ASTN2: variants seen among roughly 807,000 people sequenced by gnomAD.
ASTN2 encodes astrotactin 2, also known as astrotactin-2.
ASTN2 carries 54 observed loss-of-function variants against 139.8 expected under a neutral mutation model. The observed-to-expected ratio is 0.39, with a 90% confidence interval of 0.31 to 0.48. The LOEUF is 0.48. ASTN2 is among the 20% of genes least tolerant of loss of function. The pLI is 0.95. For missense variants in ASTN2, 1,565 were observed against 1,725.1 expected, an observed-to-expected ratio of 0.91 and a Z score of 1.64; for synonymous variants, 756 against 719.5, an observed-to-expected ratio of 1.05 and a Z score of -0.81.
chr9:116,619,240 CCT>C (rs1287620005), intron 18 of ASTN2, among the ~76,000 whole-genome samples: 14 of 152,046 alleles, frequency 9.2e-5, no homozygotes, highest in African/African-American at 2.9e-4. Context: ...GTTCCTGCCC[CCT>C]CTTATGCTTG....
chr9:117,136,539 G>T (rs889793487), intron 4 of ASTN2, among the ~76,000 whole-genome samples: 8 of 152,104 alleles, frequency 5.3e-5, no homozygotes, highest in African/African-American at 1.9e-4. Context: ...GGCCCCCAGT[G>T]CAAGTGACAG....
intron 1 of ASTN2, among the ~76,000 whole-genome samples, chr9:117,313,675 C>T (rs10125571): frequency 0.093 from 14,091 of 152,070 alleles, 1,703 homozygotes; most frequent in African/African-American, 0.28. Context: ...TCACCAAACT[C>T]CCCAAGCCAG....
At chr9:117,050,633 A>G (rs928380030) in intron 5 of ASTN2, among the ~76,000 whole-genome samples, 1 of 152,154 alleles carries the variant, frequency 6.6e-6, no homozygotes, top group Non-Finnish European at 1.5e-5. Context: ...ATATGAACAG[A>G]GCTAGAATAT....
Position 117,125,604 on chromosome 9 carries a change from C to A in ASTN2, c.1168+15722G>T, listed in dbSNP as rs188482735. Among the ~76,000 whole-genome samples the A allele has an allele frequency of 2.7e-3, 408 of 152,218 alleles. 2 individuals carry two copies. The highest frequency in any genetic ancestry group is 9.5e-3 in the African/African-American group (393 of 41,526). ...GTCTCTCTTGGCTAAAAAGGAAATC[C>A]TTTTGCCATTAACTGCTCCTGCAGA... On this transcript the variant is annotated intron_variant, in intron 4 of 22. Transcript: ENST00000313400.
In ASTN2 at chr9:117,094,145, AGGG is replaced by A. The variant is rs1564422762; in HGVS notation, c.1276+1896_1276+1898del. On this transcript the variant is annotated intron_variant, in intron 5 of 22. Transcript: ENST00000313400. ...GAGGGAGGGAGGGACTAAGGGAGGG[AGGG>A]AGGGAGAAAGGGAGGAAGGGAGGAA... Among the ~76,000 whole-genome samples, 3 of 92,482 alleles carry A rather than the reference AGGG, an allele frequency of 3.2e-5. No homozygotes were observed. In the East Asian group the frequency reaches 1.0e-3, roughly 31 times the overall value. 60.7% of individuals were successfully genotyped at this position (92,482 alleles called of 152,430 possible). A position where few individuals can be genotyped will look rare whatever the true frequency, so the allele number is the denominator to read the frequency against.
At chr9:117,257,996 C>T (rs1215676325) in intron 2 of ASTN2, among the ~76,000 whole-genome samples, 1 of 152,128 alleles carries the variant, frequency 6.6e-6, no homozygotes, top group African/African-American at 2.4e-5. Flanking sequence ...TCCTGGGTCC[C>T]CTTGTCACTG....
chr9:116,799,607 T>C (rs1000067773), intron 13 of ASTN2, among the ~76,000 whole-genome samples: 2 of 151,460 alleles, frequency 1.3e-5, no homozygotes, highest in Admixed American at 1.3e-4. Context: ...GGTTCAATAA[T>C]AGCTCTTGAC....
chr9:116,926,810 C>T (rs1199399482), intron 10 of ASTN2, among the ~76,000 whole-genome samples: 1 of 152,160 alleles, frequency 6.6e-6, no homozygotes, highest in Non-Finnish European at 1.5e-5. Context: ...TCATGTGTAG[C>T]TGACTCCAAA....
At chr9:116,695,007 A>G (rs1012067950) in intron 16 of ASTN2, among the ~76,000 whole-genome samples, 2 of 152,256 alleles carry the variant, frequency 1.3e-5, no homozygotes, top group African/African-American at 2.4e-5. Flanking sequence ...GCAGAATCTC[A>G]TAACTATATT....
chr9:116,832,977 G>A (rs117233577), intron 11 of ASTN2, among the ~76,000 whole-genome samples: 1,164 of 111,384 alleles, frequency 0.01, 3 homozygotes, highest in South Asian at 0.02. Flanking sequence ...GGGAATTGAC[G>A]TTTATTCTTC....
intron 4 of ASTN2, among the ~76,000 whole-genome samples, chr9:117,141,091 G>A (rs918197214): frequency 3.3e-5 from 5 of 152,160 alleles, no homozygotes; most frequent in Non-Finnish European, 7.3e-5. Flanking sequence ...CTCAATCACT[G>A]TAAAATTTAT....
At chr9:117,318,500 T>G (rs960457003) in intron 1 of ASTN2, among the ~76,000 whole-genome samples, 1 of 152,142 alleles carries the variant, frequency 6.6e-6, no homozygotes, top group Non-Finnish European at 1.5e-5. Context: ...GAGACACCTG[T>G]GAGAGTTATC....
At chr9:116,559,656 CA>C (rs1275650595) in intron 19 of ASTN2, among the ~76,000 whole-genome samples, 9 of 152,162 alleles carry the variant, frequency 5.9e-5, no homozygotes, top group African/African-American at 2.2e-4. Flanking sequence ...ATCCTGATCA[CA>C]TCTAATACCA....
Position 117,414,785 on chromosome 9 carries a change from TGGCGCCGGCCAGC to T in ASTN2, c.141_153del (p.Leu48ProfsTer14). ...TCGGGCTCCCGCGAGGCAGCGGCGG[TGGCGCCGGCCAGC>T]AGCGGCGGCGGCGGCAGCAGGAGCA... is the stretch of plus-strand genomic sequence containing the variant. On this transcript the variant is annotated frameshift_variant, in exon 1 of 23. Coordinates refer to ENST00000313400, the MANE Select transcript of ASTN2 (RefSeq NM_001365068.1). LOFTEE classifies it high-confidence loss of function. The surrounding 1 kb of genome is among the most constrained non-coding windows in gnomAD (Gnocchi z 4.2). 1 of 1,253,222 alleles carries T rather than the reference TGGCGCCGGCCAGC, an allele frequency of 8.0e-7. No individual in the cohort carries two copies. The highest frequency in any genetic ancestry group is 1.0e-6 in the Non-Finnish European group (1 of 998,252). The allele number at this position is 1,253,222 out of a possible 1,614,324, so 77.6% of individuals were successfully genotyped here.
intron 5 of ASTN2, among the ~76,000 whole-genome samples, chr9:117,045,599 A>G (rs1317375354): frequency 6.6e-6 from 1 of 152,192 alleles, no homozygotes; most frequent in African/African-American, 2.4e-5. Flanking sequence ...TGATCCACAC[A>G]TTGCCTATAA....
At chr9:117,066,551 G>A (rs1249541566) in intron 5 of ASTN2, among the ~76,000 whole-genome samples, 3 of 150,354 alleles carry the variant, frequency 2.0e-5, no homozygotes, top group Non-Finnish European at 3.0e-5. Context: ...GGATGGCTGG[G>A]TCAAATGGTA....
chr9:117,253,045 A>T (rs1833580912), intron 2 of ASTN2, among the ~76,000 whole-genome samples: 1 of 152,218 alleles, frequency 6.6e-6, no homozygotes, highest in African/African-American at 2.4e-5. Context: ...GATGAGAATT[A>T]TGAAGATTTA....
chr9:117,245,970 C>G (rs1006986741), intron 2 of ASTN2, among the ~76,000 whole-genome samples: 1 of 152,098 alleles, frequency 6.6e-6, no homozygotes, highest in African/African-American at 2.4e-5. Context: ...GTCCACTTCC[C>G]CCATTCAACT....
intron 16 of ASTN2, among the ~76,000 whole-genome samples, chr9:116,681,519 A>C (rs1859865546): frequency 6.6e-6 from 1 of 152,206 alleles, no homozygotes; most frequent in Non-Finnish European, 1.5e-5. Context: ...AATTGGAAAA[A>C]ACTACTTTAA....
Sources: gnomAD v4.1 joint callset for allele counts (sites outside exome capture counted in the v4.1 genomes callset) on GRCh38, gnomAD v4.1.1 for gene constraint, Gnocchi (gnomAD v3.1) non-coding constraint, MANE v1.5 for transcripts, NCBI Gene and HGNC (gene_info 2026-07-23, HGNC 2026-07-21) for gene names.